SKI: variants seen among roughly 807,000 people sequenced by gnomAD.
SKI encodes SKI proto-oncogene.
In SKI, 23 loss-of-function variants were observed where a neutral mutation model predicts 59.3. The observed-to-expected ratio is 0.39, with a 90% CI of 0.28 to 0.55. SKI has a LOEUF of 0.55. SKI is among the 20% of genes least tolerant of loss of function. The pLI is 0.67. For synonymous variants in SKI, 673 were observed against 488.6 expected (o/e 1.38, Z -4.98); for missense variants, 1,017 against 1,038.9 (o/e 0.98, Z 0.29).
Position 2,299,052 on chromosome 1 carries a change from G to T in SKI, c.970-3926G>T, listed in dbSNP as rs1640358977. ...AGCAGGCTCTATGTGGTTGTTTTGTGTGGATTTGGGGTGTGAATTCTCTCA... is the reference window on the plus strand; with the variant it reads ...AGCAGGCTCTATGTGGTTGTTTTGTTTGGATTTGGGGTGTGAATTCTCTCA... On this transcript the variant is annotated intron_variant, in intron 1 of 6. Transcript: ENST00000378536. 3.3e-5 allele frequency among the ~76,000 whole-genome samples: 5 copies of T among 152,368 alleles called. No individual in the cohort carries two copies. The South Asian group carries it at 1.0e-3, about 32-fold the overall frequency.
At chr1:2,283,376 G>A (rs982974800) in intron 1 of SKI, among the ~76,000 whole-genome samples, 17 of 152,218 alleles carry the variant, frequency 1.1e-4, no homozygotes, top group Non-Finnish European at 1.5e-5. Context: ...GCCTCCTGAG[G>A]AGTATGTCTC....
chr1:2,278,352 G>C (rs549973243), intron 1 of SKI, among the ~76,000 whole-genome samples: 12 of 152,338 alleles, frequency 7.9e-5, no homozygotes, highest in African/African-American at 2.9e-4. Flanking sequence ...CAGGAGCCCT[G>C]GGGGAGGACG....
At chr1:2,299,901 C>T (rs1163234757) in intron 1 of SKI, among the ~76,000 whole-genome samples, 1 of 152,212 alleles carries the variant, frequency 6.6e-6, no homozygotes, top group Non-Finnish European at 1.5e-5. Context: ...CCATGGGGAG[C>T]TGGTGGCTTG....
intron 1 of SKI, among the ~76,000 whole-genome samples, chr1:2,242,163 T>G (rs545939488): frequency 1.4e-4 from 22 of 152,356 alleles, no homozygotes; most frequent in African/African-American, 5.0e-4. Flanking sequence ...GATGCGTCCC[T>G]TGGTGTGGCC....
At position 2,229,201 on chromosome 1, in the gene SKI, G is replaced by A; in HGVS notation, c.435G>A (p.Glu145=). ...SLQQINAVCD[E]LHIYCSRCTA... ...AGCAGATCAACGCGGTGTGCGACGA[G>A]CTCCACATCTACTGCTCGCGCTGCA... is the stretch of plus-strand genomic sequence containing the variant. The change falls in exon 1 of 7, where the codon GAG becomes GAA. Residue 145 remains glutamate, a synonymous_variant. Transcript: ENST00000378536. This position sits in a 1 kb window ranked among gnomAD's most constrained non-coding sequence, Gnocchi z 6.3. The A allele has an allele frequency of 6.2e-7, 1 of 1,610,594 alleles. No homozygotes were observed. Among genetic ancestry groups the A allele is most frequent in the Non-Finnish European group, 8.5e-7 (1 of 1,178,996 alleles).
chr1:2,241,970 T>C (rs185905109), intron 1 of SKI, among the ~76,000 whole-genome samples: 56 of 151,880 alleles, frequency 3.7e-4, no homozygotes, highest in Admixed American at 2.2e-3. Flanking sequence ...TGTGTGTGTG[T>C]GCCTGTGTGT....
chr1:2,248,856 C>T (rs1009955063), intron 1 of SKI, among the ~76,000 whole-genome samples: 8 of 152,214 alleles, frequency 5.3e-5, no homozygotes, highest in Non-Finnish European at 1.2e-4. Flanking sequence ...GGCTACCTTC[C>T]TACTCTGAGT....
chr1:2,246,159 A>G (rs1638990377), intron 1 of SKI, among the ~76,000 whole-genome samples: 1 of 152,206 alleles, frequency 6.6e-6, no homozygotes, highest in African/African-American at 2.4e-5. Flanking sequence ...ACTCCCAGCA[A>G]CAGCGTTCGA....
Position 2,309,390 on chromosome 1 carries a change from C to G in SKI, c.*2625C>G, listed in dbSNP as rs1640686655. ...AATAACATTCATATCTCTGGAGCAG[C>G]TAACTCATACACGTAATGTCTGCTT... is the stretch of plus-strand genomic sequence containing the variant. On this transcript the variant is annotated 3_prime_UTR_variant, in exon 7 of 7. Coordinates refer to ENST00000378536, the MANE Select transcript of SKI (RefSeq NM_003036.4). The G allele has an allele frequency of 6.6e-6, 1 of 152,172 alleles. No homozygotes were observed. The highest frequency in any genetic ancestry group is 1.5e-5 in the Non-Finnish European group (1 of 68,032). 9.4% of individuals were successfully genotyped at this position (152,172 alleles called of 1,614,324 possible). A position where few individuals can be genotyped will look rare whatever the true frequency, so the allele number is the denominator to read the frequency against.
Position 2,268,496 on chromosome 1 carries a change from T to C in SKI, c.970-34482T>C, listed in dbSNP as rs1319777883. Among the ~76,000 whole-genome samples, 5 of 152,256 alleles carry C rather than the reference T, an allele frequency of 3.3e-5. No homozygotes were observed. The highest frequency in any genetic ancestry group is 7.2e-5 in the African/African-American group (3 of 41,544). Reference sequence around the variant, plus strand: ...CTCATAAGCCACCTTGGGGTATGTCTGGGTGCATGGGGACTCCTCTGGCCT... The same window carrying C: ...CTCATAAGCCACCTTGGGGTATGTCCGGGTGCATGGGGACTCCTCTGGCCT... On this transcript the variant is annotated intron_variant, in intron 1 of 6. Coordinates refer to ENST00000378536, the MANE Select transcript of SKI (RefSeq NM_003036.4). The surrounding 1 kb of genome is among the most constrained non-coding windows in gnomAD (Gnocchi z 5.0).
At chr1:2,280,242 G>A (rs1438809646) in intron 1 of SKI, among the ~76,000 whole-genome samples, 1 of 151,986 alleles carries the variant, frequency 6.6e-6, no homozygotes, top group Non-Finnish European at 1.5e-5. Context: ...CGGCATTGTG[G>A]CAGGTGCCTG....
intron 1 of SKI, among the ~76,000 whole-genome samples, chr1:2,288,578 T>G (rs1172549339): frequency 6.6e-6 from 1 of 152,232 alleles, no homozygotes; most frequent in African/African-American, 2.4e-5. Flanking sequence ...TTTGTTTGCA[T>G]GCGCGTGAGA....
chr1:2,244,875 C>T (rs1638958496), intron 1 of SKI, among the ~76,000 whole-genome samples: 1 of 152,100 alleles, frequency 6.6e-6, no homozygotes, highest in Non-Finnish European at 1.5e-5. Context: ...AGGAGTGGCT[C>T]CATTTGTATC....
rs12065628 is a variant in SKI, at chr1:2,234,857, C to G, written c.969+5122C>G. Among the ~76,000 whole-genome samples, 826 of 152,240 alleles carry G rather than the reference C, an allele frequency of 5.4e-3. 7 individuals are homozygous for G. Among genetic ancestry groups the G allele is most frequent in the African/African-American group, 0.017 (707 of 41,550 alleles). ...TCTGGGAGAGCTGGAAAAGAAGGCC[C>G]CTGTCCTTATTCTTCAGGGCTCTTC... On this transcript the variant is annotated intron_variant, in intron 1 of 6. Transcript: ENST00000378536.
intron 1 of SKI, among the ~76,000 whole-genome samples, chr1:2,247,470 T>C (rs1639024690): frequency 6.6e-6 from 1 of 152,230 alleles, no homozygotes; most frequent in African/African-American, 2.4e-5. Flanking sequence ...AAATGATGGC[T>C]TCGCTGAAGA....
intron 1 of SKI, among the ~76,000 whole-genome samples, chr1:2,238,524 C>G (rs955526062): frequency 1.3e-5 from 2 of 152,246 alleles, no homozygotes; most frequent in Non-Finnish European, 2.9e-5. Flanking sequence ...AGCCTTGAGA[C>G]TTCCCTCTGC....
intron 1 of SKI, among the ~76,000 whole-genome samples, chr1:2,298,209 G>A (rs888199528): frequency 2.6e-5 from 4 of 152,216 alleles, no homozygotes; most frequent in South Asian, 2.1e-4. Flanking sequence ...GCGCGCCCTC[G>A]TGGGGGCTTG....
intron 1 of SKI, among the ~76,000 whole-genome samples, chr1:2,293,025 C>T (rs1640198630): frequency 6.6e-6 from 1 of 152,156 alleles, no homozygotes; most frequent in South Asian, 2.1e-4. Flanking sequence ...TTCTGTGGGG[C>T]TTCACTCCTG....
At chr1:2,279,321 C>G (rs1195966803) in intron 1 of SKI, among the ~76,000 whole-genome samples, 1 of 152,152 alleles carries the variant, frequency 6.6e-6, no homozygotes, top group Non-Finnish European at 1.5e-5. Context: ...AGACCACCCT[C>G]TGATGACGGT....
Sources: gnomAD v4.1 joint callset for allele counts (sites outside exome capture counted in the v4.1 genomes callset) on GRCh38, gnomAD v4.1.1 for gene constraint, Gnocchi (gnomAD v3.1) non-coding constraint, MANE v1.5 for transcripts, NCBI Gene and HGNC (gene_info 2026-07-23, HGNC 2026-07-21) for gene names.